The following DDI2 variants were observed in gnomAD, a reference collection of about 807,000 sequenced individuals.
DDI2 encodes the protein DDI proteasomal shuttling factor 2.
Under a neutral mutation model 48.1 loss-of-function variants are expected in DDI2, and 5 were observed. The ratio of observed to expected loss-of-function variants is 0.10; its 90% CI spans 0.05 to 0.22. The LOEUF (loss-of-function observed/expected upper bound fraction) is 0.22, where lower values mean the gene tolerates loss of function less well. DDI2 is among the 10% of genes least tolerant of loss of function. The pLI, the probability that DDI2 is intolerant of heterozygous loss-of-function variation, is 1.00. For missense variants in DDI2, 285 were observed against 506.2 expected (o/e 0.56, Z 4.19); for synonymous variants, 205 against 183.6 (o/e 1.12, Z -0.94).
chr1:15,633,086 G>A (rs1221842442), intron 3 of DDI2, among the ~76,000 whole-genome samples: 2 of 150,830 alleles, frequency 1.3e-5, no homozygotes. Flanking sequence ...GCACCACCAC[G>A]CCCAACTAAT....
At chr1:15,639,161 A>T (rs977159382) in intron 5 of DDI2, among the ~76,000 whole-genome samples, 10 of 151,972 alleles carry the variant, frequency 6.6e-5, no homozygotes, top group Admixed American at 6.6e-4. Flanking sequence ...GGAGACAGGG[A>T]TTCTTCTGCT....
intron 6 of DDI2, 38 bp downstream of exon 6, chr1:15,643,688 G>A: frequency 6.2e-7 from 1 of 1,608,522 alleles, no homozygotes. Context: ...TCTTTCTGTA[G>A]GCTATTTGTA....
intron 5 of DDI2, among the ~76,000 whole-genome samples, chr1:15,641,892 T>A (rs1394873740): frequency 2.0e-5 from 3 of 148,610 alleles, no homozygotes; most frequent in East Asian, 3.9e-4. Flanking sequence ...GAGGTGGAGC[T>A]TGCAGTGAGC....
At chr1:15,618,418 A>T (rs966156261) in intron 1 of DDI2, among the ~76,000 whole-genome samples, 1 of 152,198 alleles carries the variant, frequency 6.6e-6, no homozygotes, top group Admixed American at 6.5e-5. Flanking sequence ...TTCTGGTTAA[A>T]TTCTTTTGAA....
chr1:15,661,117 C>T lies in DDI2; in HGVS notation c.*1327C>T. The stretch of plus-strand genomic sequence containing the variant: ...TGAACAGTGTCCACAAGTCTCCTTT[C>T]ATCAGGCCATATCTGTATCAGTGGA... On this transcript the variant is annotated 3_prime_UTR_variant, in exon 10 of 10. Coordinates refer to ENST00000480945, the MANE Select transcript of DDI2 (RefSeq NM_032341.5). 1 of 1,613,792 alleles carries T rather than the reference C, an allele frequency of 6.2e-7. No individual in the cohort carries two copies. The highest frequency in any genetic ancestry group is 8.5e-7 in the Non-Finnish European group (1 of 1,179,870).
At position 15,659,912 on chromosome 1, in the gene DDI2, G is replaced by T; in HGVS notation, c.*122G>T. ...TCAGATGGGTTTAACCATCCCGCCC[G>T]TTCTTCAGGACAGAGTCCTGATGTT... On this transcript the variant is annotated 3_prime_UTR_variant, in exon 10 of 10. Transcript: ENST00000480945. 6.2e-7 allele frequency: 1 copy of T among 1,605,644 alleles called. No individual in the cohort carries two copies. Among genetic ancestry groups the T allele is most frequent in the South Asian group, 1.1e-5 (1 of 89,350 alleles).
chr1:15,622,918 C>T (rs532750394), intron 1 of DDI2, among the ~76,000 whole-genome samples: 5 of 152,288 alleles, frequency 3.3e-5, no homozygotes, highest in South Asian at 4.1e-4. Flanking sequence ...GTGTGAGGAA[C>T]GTGTGCGCCT....
rs534506352 is a variant in DDI2, at chr1:15,663,204, A to C, written c.*3414A>C. On this transcript the variant is annotated 3_prime_UTR_variant, in exon 10 of 10. Coordinates refer to ENST00000480945, the MANE Select transcript of DDI2 (RefSeq NM_032341.5). The stretch of plus-strand genomic sequence containing the variant: ...GAAGCTTCGAAAGAGTGATTTCTCA[A>C]CTTAGTGTTAAATGATTTTGTCTGA... The C allele has an allele frequency of 6.6e-6, 1 of 152,326 alleles. No homozygotes were observed. Among genetic ancestry groups the C allele is most frequent in the East Asian group, 1.9e-4 (1 of 5,190 alleles). The allele number at this position is 152,326 out of a possible 1,614,324, so 9.4% of individuals were successfully genotyped here.
Position 15,659,979 on chromosome 1 carries a change from C to A in DDI2, c.*189C>A. 2 of 1,614,200 alleles carry A rather than the reference C, an allele frequency of 1.2e-6. No homozygotes were observed. Among genetic ancestry groups the A allele is most frequent in the East Asian group, 4.5e-5 (2 of 44,886 alleles). On this transcript the variant is annotated 3_prime_UTR_variant, in exon 10 of 10. Coordinates refer to ENST00000480945, the MANE Select transcript of DDI2 (RefSeq NM_032341.5). ...TTGCTCGCTCTGTCTCTGCTTCAGT[C>A]TGCCCTATCAAGCCCAGTGACTCAG... is the stretch of plus-strand genomic sequence containing the variant.
chr1:15,628,553 A>G (rs1414481625), intron 2 of DDI2, among the ~76,000 whole-genome samples: 1 of 152,230 alleles, frequency 6.6e-6, no homozygotes, highest in Non-Finnish European at 1.5e-5. Flanking sequence ...CATTTATAAC[A>G]TTAAGCACAG....
Position 15,660,914 on chromosome 1 carries a change from GC to G in DDI2, c.*1127del. On this transcript the variant is annotated 3_prime_UTR_variant, in exon 10 of 10. Coordinates refer to ENST00000480945, the MANE Select transcript of DDI2 (RefSeq NM_032341.5). ...TCTGTGGAGTCAGCAGAAGAATCTT[GC>G]CCGTCTATAACGGCAGCCTTGAAAG... 1 of 1,613,802 alleles carries G rather than the reference GC, an allele frequency of 6.2e-7. No individual in the cohort carries two copies. Among genetic ancestry groups the G allele is most frequent in the Non-Finnish European group, 8.5e-7 (1 of 1,179,940 alleles).
At position 15,660,448 on chromosome 1, in the gene DDI2, G is replaced by C. The variant is rs947175529; in HGVS notation, c.*658G>C. 2 of 1,614,086 alleles carry C rather than the reference G, an allele frequency of 1.2e-6. No individual in the cohort carries two copies. Among genetic ancestry groups the C allele is most frequent in the East Asian group, 4.5e-5 (2 of 44,882 alleles). ...TGACCAAGAATATCTTTGTAACATA[G>C]GGGACCTTGAGCTTCCTGAAGAAAG... On this transcript the variant is annotated 3_prime_UTR_variant, in exon 10 of 10. Coordinates refer to ENST00000480945, the MANE Select transcript of DDI2 (RefSeq NM_032341.5).
chr1:15,636,316 C>T (rs1207563954), intron 4 of DDI2, among the ~76,000 whole-genome samples: 1 of 151,980 alleles, frequency 6.6e-6, no homozygotes, highest in African/African-American at 2.4e-5. Context: ...TTTGTAGAGA[C>T]GAGGTTTCGC....
intron 4 of DDI2, 143 bp from the exon 5 acceptor site, chr1:15,638,164 A>G: frequency 8.8e-7 from 1 of 1,130,942 alleles, no homozygotes. Context: ...CTTGCCCCAT[A>G]TAGCACCAAT....
chr1:15,618,066 G>T (rs1639592571), intron 1 of DDI2, among the ~76,000 whole-genome samples: 1 of 152,196 alleles, frequency 6.6e-6, no homozygotes, highest in South Asian at 2.1e-4. Context: ...AGCGTGAGGG[G>T]CGCGTGGACT....
In DDI2 at chr1:15,649,896, G is replaced by C. The variant is rs1335063503; in HGVS notation, c.993+73G>C. On this transcript the variant is annotated intron_variant, in intron 7 of 9. Transcript: ENST00000480945. ...TGGTCATTATCACATTATTTTTATT[G>C]GTTACATATACTGGAAAACTAAGAA... 5 of 1,417,360 alleles carry C rather than the reference G, an allele frequency of 3.5e-6. No individual in the cohort carries two copies. In the South Asian group the frequency reaches 6.6e-5, roughly 19 times the overall value. 87.8% of individuals were successfully genotyped at this position (1,417,360 alleles called of 1,614,324 possible). A position where few individuals can be genotyped will look rare whatever the true frequency, so the allele number is the denominator to read the frequency against.
At chr1:15,617,914 C>T (rs1050556356) in intron 1 of DDI2, 106 bp downstream of exon 1, 17 of 1,357,188 alleles carry the variant, frequency 1.3e-5, no homozygotes, top group Non-Finnish European at 1.6e-5. Context: ...CTGGGGGGAG[C>T]AAGGATAGCC....
rs749736785 is a variant in DDI2, at chr1:15,661,684, C to G, written c.*1894C>G. 5.6e-6 allele frequency: 9 copies of G among 1,612,950 alleles called. No individual in the cohort carries two copies. The East Asian group carries it at 2.0e-4, about 36-fold the overall frequency. On this transcript the variant is annotated 3_prime_UTR_variant, in exon 10 of 10. Transcript: ENST00000480945. ...TGGTGGGAATGCAGACCTTGCACTT[C>G]TTGTTTTGCTCGCAAAAAACATCGT...
In DDI2 at chr1:15,660,833, CAAAT is replaced by C. The variant is rs1226270747; in HGVS notation, c.*1047_*1050del. 6.2e-7 allele frequency: 1 copy of C among 1,614,082 alleles called. No individual in the cohort carries two copies. The highest frequency in any genetic ancestry group is 1.7e-5 in the Admixed American group (1 of 60,010). On this transcript the variant is annotated 3_prime_UTR_variant, in exon 10 of 10. Coordinates refer to ENST00000480945, the MANE Select transcript of DDI2 (RefSeq NM_032341.5). ...GAAACTAATGTTGAAATACCTGGAACAAATAAAGAATATGGCCATTACTCCTCTC... is the reference window on the plus strand; with the variant it reads ...GAAACTAATGTTGAAATACCTGGAACAAAGAATATGGCCATTACTCCTCTC...
Sources: allele counts gnomAD v4.1 joint callset (sites outside exome capture counted in the v4.1 genomes callset), GRCh38; gene constraint gnomAD v4.1.1; transcripts MANE v1.5; gene names NCBI Gene and HGNC (gene_info 2026-07-23, HGNC 2026-07-21).